IL1RAPL1: variants seen among roughly 807,000 people sequenced by gnomAD.
IL1RAPL1 encodes interleukin-1 receptor accessory protein-like 1.
In IL1RAPL1, 3 loss-of-function variants were observed where a neutral mutation model predicts 48.4. That is an observed-to-expected ratio of 0.06 (90% CI 0.03 to 0.16). The LOEUF (loss-of-function observed/expected upper bound fraction) is 0.16, where lower values mean the gene tolerates loss of function less well. Ranked by LOEUF, IL1RAPL1 falls within the 10% of genes least tolerant of loss-of-function variation. The pLI, the probability that IL1RAPL1 is intolerant of heterozygous loss-of-function variation, is 1.00. For synonymous variants in IL1RAPL1, 185 were observed against 187.7 expected (o/e 0.99, Z 0.12); for missense variants, 349 against 530.6 (o/e 0.66, Z 3.36).
chrX:29,633,440 A>G (rs1205351050), intron 5 of IL1RAPL1, among the ~76,000 whole-genome samples: 1 of 106,502 alleles, frequency 9.4e-6, no homozygotes, highest in Non-Finnish European at 1.9e-5. Context: ...GTGTATGTTC[A>G]GTTTGTGACA....
intron 1 of IL1RAPL1, among the ~76,000 whole-genome samples, chrX:28,602,560 C>A (rs1934039913): frequency 1.8e-5 from 2 of 112,071 alleles, no homozygotes; most frequent in Non-Finnish European, 3.8e-5. Context: ...TAAACCTCAT[C>A]TATATGTGCA....
intron 2 of IL1RAPL1, among the ~76,000 whole-genome samples, chrX:29,257,234 T>C (rs925649814): frequency 2.7e-5 from 3 of 111,738 alleles, no homozygotes; most frequent in African/African-American, 6.5e-5. Flanking sequence ...TATCCGGTTA[T>C]AATGTTAGCA....
At chrX:29,103,699 A>G (rs1001268626) in intron 2 of IL1RAPL1, among the ~76,000 whole-genome samples, 1 of 111,828 alleles carries the variant, frequency 8.9e-6, no homozygotes, top group African/African-American at 3.3e-5. Flanking sequence ...CAAGAATGAA[A>G]GAAAATATTA....
At chrX:29,561,159 G>T (rs967674315) in intron 5 of IL1RAPL1, among the ~76,000 whole-genome samples, 1 of 112,271 alleles carries the variant, frequency 8.9e-6, no homozygotes, top group Non-Finnish European at 1.9e-5. Flanking sequence ...GCCAGGCTGG[G>T]TGCTGACTGC....
Position 29,399,230 on chromosome X carries a change from G to T in IL1RAPL1, c.625G>T (p.Asp209Tyr). The change falls in exon 5 of 11, where the codon GAT (aspartate) becomes TAT (tyrosine). Residue 209 changes from aspartate (D) to tyrosine (Y), a missense_variant. By Grantham distance (160) the Asp-to-Tyr change is radical. This residue lies in a region of IL1RAPL1 where 238 missense variants were observed against 337.8 expected (regional missense o/e 0.70). Coordinates refer to ENST00000378993, the MANE Select transcript of IL1RAPL1 (RefSeq NM_014271.4). ...DTLLIREVRE[D>Y]DIGNYTCELK... is the part of the protein sequence containing the mutation. Reference sequence around the variant, plus strand: ...TCTGCTTATAAGAGAAGTCAGAGAAGATGACATTGGAAATTATACCTGTGA... The same window carrying T: ...TCTGCTTATAAGAGAAGTCAGAGAATATGACATTGGAAATTATACCTGTGA... 1 of 1,189,361 alleles carries T rather than the reference G, an allele frequency of 8.4e-7. No individual in the cohort carries two copies.
At chrX:29,802,980 C>CATATGTATACATATATTTATAT (rs1930025862) in intron 6 of IL1RAPL1, among the ~76,000 whole-genome samples, 2 of 40,496 alleles carry the variant, frequency 4.9e-5, no homozygotes, top group African/African-American at 2.2e-4. Flanking sequence ...TATATACATA[C>CATATGTATACATATATTTATAT]ATGTGTACAT....
chrX:29,862,969 TA>T (rs1206630965), intron 6 of IL1RAPL1, among the ~76,000 whole-genome samples: 868 of 61,510 alleles, frequency 0.014, 14 homozygotes, highest in African/African-American at 0.038. Context: ...TTGGCATACT[TA>T]AAAAAAAAAA....
intron 2 of IL1RAPL1, among the ~76,000 whole-genome samples, chrX:29,006,647 A>ATATG (rs1274128284): frequency 2.8e-3 from 212 of 76,926 alleles, no homozygotes; most frequent in Non-Finnish European, 3.5e-3. Context: ...GTTTATATAT[A>ATATG]TGTGTGTGTG....
intron 6 of IL1RAPL1, among the ~76,000 whole-genome samples, chrX:29,683,164 T>C (rs2147106781): frequency 8.9e-6 from 1 of 112,239 alleles, no homozygotes; most frequent in South Asian, 3.7e-4. Flanking sequence ...GCTAGTTCCA[T>C]TTATGACTTT....
intron 2 of IL1RAPL1, among the ~76,000 whole-genome samples, chrX:28,867,345 C>A (rs901020741): frequency 9.0e-6 from 1 of 111,329 alleles, no homozygotes. Context: ...CTTTGCTAGT[C>A]ATAATTGACC....
intron 2 of IL1RAPL1, among the ~76,000 whole-genome samples, chrX:29,248,037 T>C (rs1931546446): frequency 9.0e-6 from 1 of 111,610 alleles, no homozygotes; most frequent in Non-Finnish European, 1.9e-5. Flanking sequence ...GTAGAAGAAC[T>C]ATGGTGGAGT....
chrX:29,611,106 CTT>C (rs911978021), intron 5 of IL1RAPL1, among the ~76,000 whole-genome samples: 9 of 112,511 alleles, frequency 8.0e-5, no homozygotes, highest in African/African-American at 2.9e-4. Context: ...TGCAAAGTCT[CTT>C]GTGGGAAAAA....
At chrX:29,795,603 T>G (rs907300034) in intron 6 of IL1RAPL1, among the ~76,000 whole-genome samples, 1 of 112,066 alleles carries the variant, frequency 8.9e-6, no homozygotes, top group Non-Finnish European at 1.9e-5. Context: ...TAAAGACGGG[T>G]TTGTGCTGTG....
intron 2 of IL1RAPL1, among the ~76,000 whole-genome samples, chrX:28,795,642 A>G (rs1181800042): frequency 1.8e-5 from 2 of 111,423 alleles, no homozygotes; most frequent in Non-Finnish European, 3.8e-5. Flanking sequence ...TTGGAATATT[A>G]TTATTATTAG....
At chrX:28,935,135 A>C (rs1923983391) in intron 2 of IL1RAPL1, among the ~76,000 whole-genome samples, 1 of 111,297 alleles carries the variant, frequency 9.0e-6, no homozygotes, top group Non-Finnish European at 1.9e-5. Flanking sequence ...TTTTTTATAA[A>C]GTCTACTTTA....
chrX:28,773,825 A>G (rs192762752), intron 1 of IL1RAPL1, among the ~76,000 whole-genome samples: 26 of 112,130 alleles, frequency 2.3e-4, no homozygotes, highest in Non-Finnish European at 1.1e-4. Context: ...CTTCACAGAA[A>G]TATCTGTCTA....
chrX:29,742,110 C>T (rs1235686792), intron 6 of IL1RAPL1, among the ~76,000 whole-genome samples: 1 of 110,353 alleles, frequency 9.1e-6, no homozygotes. Context: ...TGTATACTCA[C>T]GTCCTGGTTA....
intron 2 of IL1RAPL1, among the ~76,000 whole-genome samples, chrX:28,945,937 T>G (rs1924292020): frequency 9.4e-6 from 1 of 106,219 alleles, no homozygotes; most frequent in Non-Finnish European, 1.9e-5. Flanking sequence ...ATACACTCAA[T>G]TAACTATTTT....
At chrX:28,978,097 A>C (rs1925248960) in intron 2 of IL1RAPL1, among the ~76,000 whole-genome samples, 1 of 112,331 alleles carries the variant, frequency 8.9e-6, no homozygotes, top group Admixed American at 9.4e-5. Context: ...ATGGGAAAAT[A>C]ATAGCGTAGA....
Sources: allele counts gnomAD v4.1 joint callset (sites outside exome capture counted in the v4.1 genomes callset), GRCh38; gene constraint gnomAD v4.1.1; regional missense constraint gnomAD v4.1.1; transcripts MANE v1.5; gene names NCBI Gene and HGNC (gene_info 2026-07-23, HGNC 2026-07-21).